Variants in C6orf132 observed in about 807,000 individuals in gnomAD.
C6orf132 encodes chromosome 6 open reading frame 132.
In C6orf132, 43 loss-of-function variants were observed where a neutral mutation model predicts 65.3. The ratio of observed to expected loss-of-function variants is 0.66; its 90% CI spans 0.52 to 0.85. C6orf132 has a LOEUF of 0.85. Among genes scored for constraint, C6orf132 ranks in the 40% least tolerant of loss-of-function variants. The probability of loss-of-function intolerance (pLI) is 0.00; values close to 1 mark genes in which losing one functional copy is unlikely to be tolerated. For synonymous variants in C6orf132, 631 were observed against 654.1 expected (o/e 0.96, Z 0.54); for missense variants, 1,488 against 1,548.8 (o/e 0.96, Z 0.66).
At chr6:42,128,932 C>T (rs1766811264) in intron 1 of C6orf132, among the ~76,000 whole-genome samples, 154 bp from the exon 2 acceptor site, 1 of 152,222 alleles carries the variant, frequency 6.6e-6, no homozygotes, top group African/African-American at 2.4e-5. Flanking sequence ...ATAATCAGAT[C>T]TTATGGATGA....
Position 42,101,663 on chromosome 6 carries a change from C to G in C6orf132, c.*2098G>C, listed in dbSNP as rs146295373. On this transcript the variant is annotated 3_prime_UTR_variant, in exon 5 of 5. Coordinates refer to ENST00000341865, the MANE Select transcript of C6orf132 (RefSeq NM_001164446.3). Reference sequence around the variant, plus strand: ...CCCCACCCCTCGAGCCTTAACATAGCAGATAAATTAATGATCTCTTTTATA... The same window carrying G: ...CCCCACCCCTCGAGCCTTAACATAGGAGATAAATTAATGATCTCTTTTATA... 1.1e-4 allele frequency: 17 copies of G among 152,278 alleles called. No homozygotes were observed. Among genetic ancestry groups the G allele is most frequent in the Middle Eastern group, 3.4e-3 (1 of 294 alleles). 9.4% of individuals were successfully genotyped at this position (152,278 alleles called of 1,614,324 possible).
chr6:42,129,205 A>G (rs1000091995), intron 1 of C6orf132, among the ~76,000 whole-genome samples: 3 of 152,262 alleles, frequency 2.0e-5, no homozygotes, highest in Non-Finnish European at 2.9e-5. Flanking sequence ...TGAAACATGC[A>G]GAGCAGATGA....
rs1343216639 is a variant in C6orf132, at chr6:42,106,727, G to C, written c.1185C>G (p.Pro395=). 1.3e-5 allele frequency: 20 copies of C among 1,506,710 alleles called. No individual in the cohort carries two copies. In the East Asian group the frequency reaches 4.7e-4, roughly 35 times the overall value. The allele number at this position is 1,506,710 out of a possible 1,614,324, so 93.3% of individuals were successfully genotyped here. ...ERAGTPPPAP[P]LPPPAPPLPP... ...GGAGGGGGGGTGCAGGAGGGGGCAG[G>C]GGAGGGGCTGGAGGCGGAGTCCCAG... Residue 395 remains proline, a synonymous_variant, in exon 4 of 5, where the codon CCC becomes CCG. Transcript: ENST00000341865.
intron 2 of C6orf132, among the ~76,000 whole-genome samples, chr6:42,115,033 G>C (rs1766544224): frequency 6.8e-6 from 1 of 147,164 alleles, no homozygotes; most frequent in African/African-American, 2.5e-5. Context: ...GGGCATGGTG[G>C]CTCACACCTG....
At chr6:42,111,768 T>C (rs141085854) in intron 2 of C6orf132, among the ~76,000 whole-genome samples, 1 of 152,372 alleles carries the variant, frequency 6.6e-6, no homozygotes, top group East Asian at 1.9e-4. Context: ...TTCTGATCGC[T>C]AAGCTTAAGA....
In C6orf132 at chr6:42,101,304, C is replaced by T. The variant is rs1766277605; in HGVS notation, c.*2457G>A. On this transcript the variant is annotated 3_prime_UTR_variant, in exon 5 of 5. Coordinates refer to ENST00000341865, the MANE Select transcript of C6orf132 (RefSeq NM_001164446.3). ...CCTGACTACCCTGTTAAAGTAAATC[C>T]ACTCCTCTCCCCACTCGCTAGTTAT... 6.6e-6 allele frequency: 1 copy of T among 152,198 alleles called. No individual in the cohort carries two copies. The highest frequency in any genetic ancestry group is 2.1e-4 in the South Asian group (1 of 4,828). 9.4% of individuals were successfully genotyped at this position (152,198 alleles called of 1,614,324 possible). A position where few individuals can be genotyped will look rare whatever the true frequency, so the allele number is the denominator to read the frequency against.
At chr6:42,115,375 A>C (rs1327623711) in intron 2 of C6orf132, among the ~76,000 whole-genome samples, 1 of 151,276 alleles carries the variant, frequency 6.6e-6, no homozygotes, top group African/African-American at 2.4e-5. Context: ...GGCCGGGCGC[A>C]GTGGCTCATG....
intron 2 of C6orf132, chr6:42,126,914 G>C: frequency 2.7e-6 from 1 of 368,874 alleles, no homozygotes; most frequent in African/African-American, 2.1e-5. Flanking sequence ...ACTTCTATCA[G>C]AGTTTTATGC....
At chr6:42,110,651 C>A (rs1256945210) in intron 2 of C6orf132, among the ~76,000 whole-genome samples, 1 of 152,154 alleles carries the variant, frequency 6.6e-6, no homozygotes, top group African/African-American at 2.4e-5. Flanking sequence ...AGCTGTGTTT[C>A]TGCTTAAAGA....
chr6:42,118,611 C>T (rs779072087), intron 2 of C6orf132, among the ~76,000 whole-genome samples: 6 of 152,220 alleles, frequency 3.9e-5, no homozygotes, highest in Non-Finnish European at 7.3e-5. Context: ...TCTGAGCGTG[C>T]TCCTGGTGGG....
Position 42,105,639 on chromosome 6 carries a change from G to A in C6orf132, c.2273C>T (p.Thr758Ile), listed in dbSNP as rs746470368. The A allele has an allele frequency of 2.6e-6, 4 of 1,537,094 alleles. No homozygotes were observed. In the African/African-American group the frequency reaches 5.5e-5, roughly 21 times the overall value. Residue 758 changes from threonine to isoleucine, a missense_variant, in exon 4 of 5, where the codon ACA becomes ATA. Transcript: ENST00000341865. ...TGGCACCTCTCCTCCACCAGGAGAT[G>A]TCTTTGGTGGGAAGGCTGCAGATGA... ...ARSSAAFPPK[T>I]SPGGGEVPCL...
In C6orf132 at chr6:42,124,873, G is replaced by A. The variant is rs181353155; in HGVS notation, c.252+3799C>T. ...TCCCCTCCACCCGGGAGCAAGCGAC[G>A]AACGACATGGAAGCTGCCCTATCTT... On this transcript the variant is annotated intron_variant, in intron 2 of 4. Coordinates refer to ENST00000341865, the MANE Select transcript of C6orf132 (RefSeq NM_001164446.3). This position sits in a 1 kb window ranked among gnomAD's most constrained non-coding sequence, Gnocchi z 4.0. Among the ~76,000 whole-genome samples, 280 of 152,306 alleles carry A rather than the reference G, an allele frequency of 1.8e-3. 2 individuals are homozygous for A. The highest frequency in any genetic ancestry group is 0.015 in the Admixed American group (224 of 15,300).
Position 42,124,877 on chromosome 6 carries a change from G to A in C6orf132, c.252+3795C>T, listed in dbSNP as rs189994420. On this transcript the variant is annotated intron_variant, in intron 2 of 4. Transcript: ENST00000341865. The surrounding 1 kb of genome is among the most constrained non-coding windows in gnomAD (Gnocchi z 4.0). ...CTCCACCCGGGAGCAAGCGACGAAC[G>A]ACATGGAAGCTGCCCTATCTTGTGA... Among the ~76,000 whole-genome samples the A allele has an allele frequency of 6.9e-4, 105 of 152,332 alleles. No individual in the cohort carries two copies. The highest frequency in any genetic ancestry group is 3.4e-3 in the Middle Eastern group (1 of 294).
rs1366648742 is a variant in C6orf132, at chr6:42,142,366, G to A, written c.79C>T (p.Leu27Phe). 6.4e-7 allele frequency: 1 copy of A among 1,551,376 alleles called. No homozygotes were observed. Among genetic ancestry groups the A allele is most frequent in the Non-Finnish European group, 8.7e-7 (1 of 1,146,894 alleles). The change falls in exon 1 of 5, where the codon CTC (leucine) becomes TTC (phenylalanine). Residue 27 changes from leucine to phenylalanine, a missense_variant. By Grantham distance (22) the Leu-to-Phe change is conservative. Coordinates refer to ENST00000341865, the MANE Select transcript of C6orf132 (RefSeq NM_001164446.3). ...KKHTTTPSTSLYATNPPWIFT... is the reference protein window; with the variant it reads ...KKHTTTPSTSFYATNPPWIFT... ...ATCCAGGGCGGATTGGTGGCGTAGA[G>A]GGAGGTGCTGGGGGTCGTGGTGTGC...
intron 2 of C6orf132, among the ~76,000 whole-genome samples, chr6:42,114,238 A>T (rs1490148472): frequency 6.6e-6 from 1 of 152,194 alleles, no homozygotes; most frequent in Non-Finnish European, 1.5e-5. Context: ...CTATTCTGAC[A>T]CAAGGGGATC....
At chr6:42,131,655 G>C (rs563349432) in intron 1 of C6orf132, among the ~76,000 whole-genome samples, 1 of 152,208 alleles carries the variant, frequency 6.6e-6, no homozygotes, top group East Asian at 1.9e-4. Flanking sequence ...CAGCTTGTTC[G>C]AAGCCTGCTG....
intron 1 of C6orf132, among the ~76,000 whole-genome samples, chr6:42,130,414 G>A (rs1274964507): frequency 1.3e-5 from 2 of 152,220 alleles, no homozygotes; most frequent in Non-Finnish European, 2.9e-5. Context: ...ACTTCCGAGA[G>A]TCTGCGTGTT....
chr6:42,134,925 T>A (rs954535186), intron 1 of C6orf132, among the ~76,000 whole-genome samples: 3 of 150,628 alleles, frequency 2.0e-5, no homozygotes, highest in African/African-American at 7.4e-5. Context: ...CACTTGAACC[T>A]GGGAGGCAGA....
rs1766369528 is a variant in C6orf132 at position 42,105,056 on chromosome 6, G to A, written c.2856C>T (p.Ser952=). ...GCAGCGGGTGGCCCTGGGGGAGGTT[G>A]GAGGGAGCTACTCTTTCCCAGGCCA... is the stretch of plus-strand genomic sequence containing the variant. ...APVAWERVAP[S]NLPQGHPLPK... Residue 952 remains serine, a synonymous_variant, in exon 4 of 5, where the codon TCC becomes TCT. Coordinates refer to ENST00000341865, the MANE Select transcript of C6orf132 (RefSeq NM_001164446.3). The A allele has an allele frequency of 1.3e-6, 2 of 1,536,630 alleles. No homozygotes were observed. Among genetic ancestry groups the A allele is most frequent in the African/African-American group, 2.7e-5 (2 of 72,948 alleles).
Sources: gnomAD v4.1 joint callset for allele counts (sites outside exome capture counted in the v4.1 genomes callset) on GRCh38, gnomAD v4.1.1 for gene constraint, Gnocchi (gnomAD v3.1) non-coding constraint, MANE v1.5 for transcripts, NCBI Gene and HGNC (gene_info 2026-07-23, HGNC 2026-07-21) for gene names.